The following DSN1 variants were observed in gnomAD, a reference collection of about 807,000 sequenced individuals.
DSN1 encodes the protein kinetochore-associated protein DSN1 homolog.
In DSN1, 31 loss-of-function variants were observed where a neutral mutation model predicts 45.7. The ratio of observed to expected loss-of-function variants is 0.68; its 90% CI spans 0.51 to 0.92. The LOEUF (loss-of-function observed/expected upper bound fraction) is 0.92, where lower values mean the gene tolerates loss of function less well. DSN1 is among the 40% of genes least tolerant of loss of function. The pLI is 0.00. For missense variants in DSN1, 394 were observed against 414.2 expected, an observed-to-expected ratio of 0.95 and a Z score of 0.42; for synonymous variants, 134 against 142.3, an observed-to-expected ratio of 0.94 and a Z score of 0.41.
chr20:36,752,929 C>T, intron 10 of DSN1, 32 bp from the exon 11 acceptor site: 1 of 1,545,492 alleles, frequency 6.5e-7, no homozygotes, highest in Non-Finnish European at 8.9e-7. Context: ...AAATAAATTT[C>T]AATTGAAATA....
chr20:36,752,905 GAA>G lies in DSN1; in HGVS notation c.962-10_962-9del. 1.2e-6 allele frequency: 2 copies of G among 1,605,014 alleles called. No individual in the cohort carries two copies. Among genetic ancestry groups the G allele is most frequent in the East Asian group, 2.2e-5 (1 of 44,840 alleles). ...GTTGCATGCTTCTCTTTCCTGCAGA[GAA>G]AAGAGGCCAAAAAATAAATTTCAAT... is the stretch of plus-strand genomic sequence containing the variant. On this transcript the variant is annotated splice_polypyrimidine_tract_variant and intron_variant, in intron 10 of 10. Transcript: ENST00000373750.
At chr20:36,768,125 T>C (rs1987450212) in intron 3 of DSN1, 83 bp from the exon 4 acceptor site, 1 of 1,364,806 alleles carries the variant, frequency 7.3e-7, no homozygotes, top group Non-Finnish European at 1.0e-6. Context: ...TCCTCCCTCT[T>C]GATAAATCCA....
At chr20:36,762,346 G>A (rs1054249209) in intron 6 of DSN1, 115 bp downstream of exon 6, 10 of 753,812 alleles carry the variant, frequency 1.3e-5, no homozygotes, top group East Asian at 6.2e-5. Flanking sequence ...TCCTGACCTC[G>A]TAATCCGCCC....
chr20:36,763,238 T>C (rs981573780), intron 5 of DSN1, among the ~76,000 whole-genome samples: 4 of 151,410 alleles, frequency 2.6e-5, no homozygotes, highest in African/African-American at 9.7e-5. Context: ...ACCCTGTCTC[T>C]ACTAAAAATA....
intron 6 of DSN1, 82 bp from the exon 7 acceptor site, chr20:36,758,699 T>G: frequency 9.6e-6 from 13 of 1,347,962 alleles, no homozygotes; most frequent in Non-Finnish European, 1.2e-5. Flanking sequence ...AGTTATTTAT[T>G]TATTTCAGAC....
chr20:36,771,242 A>G, intron 2 of DSN1, 49 bp from the exon 3 acceptor site: 1 of 1,555,234 alleles, frequency 6.4e-7, no homozygotes, highest in African/African-American at 1.4e-5. Flanking sequence ...GCCCGCCACA[A>G]CTATTTGTGC....
intron 3 of DSN1, among the ~76,000 whole-genome samples, chr20:36,769,066 T>C (rs920288020): frequency 2.6e-5 from 4 of 152,198 alleles, no homozygotes; most frequent in African/African-American, 7.2e-5. Context: ...CACAAAGTAA[T>C]AGGTCACTTG....
At chr20:36,772,146 C>G (rs1987682586) in intron 1 of DSN1, among the ~76,000 whole-genome samples, 1 of 151,782 alleles carries the variant, frequency 6.6e-6, no homozygotes, top group Non-Finnish European at 1.5e-5. Context: ...CTCCCAAAGT[C>G]TGGGATTACA....
At position 36,773,616 on chromosome 20, in the gene DSN1, C is replaced by CA; in HGVS notation, c.-16+45dup. ...CGGCGGGCGGGGCCACATCAGAGGA[C>CA]AAGTCTGTGACTTCCTGACGCCCGT... is the stretch of plus-strand genomic sequence containing the variant. On this transcript the variant is annotated intron_variant, in intron 1 of 10. Coordinates refer to ENST00000373750, the MANE Select transcript of DSN1 (RefSeq NM_001145315.2). 5.1e-6 allele frequency: 5 copies of CA among 985,714 alleles called. No homozygotes were observed. In the African/African-American group the frequency reaches 7.0e-5, roughly 14 times the overall value. 61.1% of individuals were successfully genotyped at this position (985,714 alleles called of 1,614,324 possible). A position where few individuals can be genotyped will look rare whatever the true frequency, so the allele number is the denominator to read the frequency against.
At chr20:36,759,653 T>C (rs980323524) in intron 6 of DSN1, among the ~76,000 whole-genome samples, 1 of 151,644 alleles carries the variant, frequency 6.6e-6, no homozygotes, top group Non-Finnish European at 1.5e-5. Context: ...CCGGCTGATT[T>C]TTTGTATTTT....
At chr20:36,754,928 T>C in intron 9 of DSN1, 78 bp from the exon 10 acceptor site, 1 of 1,251,030 alleles carries the variant, frequency 8.0e-7, no homozygotes. Flanking sequence ...AGCAAGCTCT[T>C]GCTCAGGAGC....
chr20:36,754,926 C>G, intron 9 of DSN1, 76 bp from the exon 10 acceptor site: 2 of 1,279,220 alleles, frequency 1.6e-6, no homozygotes, highest in Admixed American at 3.7e-5. Context: ...CAAGCAAGCT[C>G]TTGCTCAGGA....
intron 6 of DSN1, among the ~76,000 whole-genome samples, chr20:36,761,388 C>T (rs1306350312): frequency 6.6e-6 from 1 of 152,100 alleles, no homozygotes; most frequent in Non-Finnish European, 1.5e-5. Flanking sequence ...ACAAAAGAGA[C>T]CTTGCTTCAC....
intron 1 of DSN1, among the ~76,000 whole-genome samples, chr20:36,772,435 C>G (rs989482365): frequency 3.3e-5 from 5 of 150,682 alleles, no homozygotes; most frequent in African/African-American, 7.3e-5. Flanking sequence ...ATTACAGGTG[C>G]CTGCCACCAC....
At chr20:36,766,501 T>C (rs1987347061) in intron 5 of DSN1, among the ~76,000 whole-genome samples, 1 of 151,992 alleles carries the variant, frequency 6.6e-6, no homozygotes, top group Non-Finnish European at 1.5e-5. Context: ...ACCTCTTCCC[T>C]ACTAAAAATA....
Position 36,773,330 on chromosome 20 carries a change from T to C in DSN1, c.-16+332A>G, listed in dbSNP as rs1236951938. 3.1e-6 allele frequency: 3 copies of C among 974,044 alleles called. No homozygotes were observed. In the African/African-American group the frequency reaches 5.3e-5, roughly 17 times the overall value. The allele number at this position is 974,044 out of a possible 1,614,324, so 60.3% of individuals were successfully genotyped here. ...AGGGGCAAAAAGCCTGGCCCAAGCT[T>C]GTGACACAGCCAGCCTGGGGGCACA... On this transcript the variant is annotated intron_variant, in intron 1 of 10. Coordinates refer to ENST00000373750, the MANE Select transcript of DSN1 (RefSeq NM_001145315.2).
At chr20:36,771,497 A>G in intron 1 of DSN1, 24 bp from the exon 2 acceptor site, 1 of 1,611,358 alleles carries the variant, frequency 6.2e-7, no homozygotes, top group Non-Finnish European at 8.5e-7. Flanking sequence ...AATGGAAGTG[A>G]TCTGTTCTTC....
Position 36,771,207 on chromosome 20 carries a change from T to C in DSN1, c.35-14A>G, listed in dbSNP as rs772600286. ...CTGGTCCTTTTTCTAGTATTTGTTA[T>C]AAAAAAGTCAAAATACAAGATCAAG... On this transcript the variant is annotated splice_polypyrimidine_tract_variant and intron_variant, in intron 2 of 10. Coordinates refer to ENST00000373750, the MANE Select transcript of DSN1 (RefSeq NM_001145315.2). 2 of 1,553,302 alleles carry C rather than the reference T, an allele frequency of 1.3e-6. No individual in the cohort carries two copies. The highest frequency in any genetic ancestry group is 2.3e-5 in the East Asian group (1 of 44,184).
chr20:36,755,924 C>T, intron 8 of DSN1, 95 bp from the exon 9 acceptor site: 2 of 1,384,104 alleles, frequency 1.4e-6, no homozygotes, highest in South Asian at 2.7e-5. Context: ...CAGTATTCCT[C>T]CACTCTACGC....
Sources: gnomAD v4.1 joint callset for allele counts (sites outside exome capture counted in the v4.1 genomes callset) on GRCh38, gnomAD v4.1.1 for gene constraint, MANE v1.5 for transcripts, NCBI Gene and HGNC (gene_info 2026-07-23, HGNC 2026-07-21) for gene names.